Variants in TENM3 observed in about 807,000 individuals in gnomAD.
TENM3 encodes the protein teneurin-3.
Under a neutral mutation model 255.1 loss-of-function variants are expected in TENM3, and 63 were observed. That is an observed-to-expected ratio of 0.25 (90% CI 0.20 to 0.30). TENM3 has a LOEUF of 0.30. Among genes scored for constraint, TENM3 ranks in the 10% least tolerant of loss-of-function variants. TENM3 has a pLI of 1.00. For synonymous variants in TENM3, 1,306 were observed against 1,322.3 expected (o/e 0.99, Z 0.27); for missense variants, 2,929 against 3,461.1 (o/e 0.85, Z 3.86).
chr4:181,680,651 G>T, the TENM3 span, among the ~76,000 whole-genome samples: 3 of 151,740 alleles, frequency 2.0e-5, no homozygotes, highest in Non-Finnish European at 4.4e-5. Context: ...GAGAGTAAAG[G>T]TATCATAATA....
intron 3 of TENM3, among the ~76,000 whole-genome samples, chr4:182,499,517 C>A (rs183923343): frequency 3.3e-5 from 5 of 152,188 alleles, no homozygotes; most frequent in South Asian, 4.2e-4. Flanking sequence ...GTTTGGCTGG[C>A]AGTATAAAGA....
rs1487564121 is a variant in TENM3, at chr4:182,161,971, A to G, written c.-76+17217A>G. 4.9e-4 allele frequency among the ~76,000 whole-genome samples: 15 copies of G among 30,774 alleles called. 2 individuals are homozygous for G. The highest frequency in any genetic ancestry group is 1.2e-3 in the East Asian group (3 of 2,422). 20.2% of individuals were successfully genotyped at this position (30,774 alleles called of 152,430 possible). On this transcript the variant is annotated intron_variant, in intron 1 of 2. Transcript: ENST00000512480. ...TGTGTGTGTGTGTGTATATATATATATATATATATATATATATATATATAT... is the reference window on the plus strand; with the variant it reads ...TGTGTGTGTGTGTGTATATATATATGTATATATATATATATATATATATAT...
At chr4:181,627,981 C>T in the TENM3 span, among the ~76,000 whole-genome samples, 1 of 152,224 alleles carries the variant, frequency 6.6e-6, no homozygotes, top group East Asian at 1.9e-4. Flanking sequence ...TATTTCTCCA[C>T]ATCCTCTCCA....
intron 4 of TENM3, among the ~76,000 whole-genome samples, chr4:182,610,777 T>G (rs1315477841): frequency 6.7e-6 from 1 of 148,266 alleles, no homozygotes; most frequent in African/African-American, 2.5e-5. Context: ...AGGGTCTTAC[T>G]CTGTTTCTCA....
At chr4:182,353,616 A>G (rs1419626613) in intron 3 of TENM3, among the ~76,000 whole-genome samples, 1 of 152,222 alleles carries the variant, frequency 6.6e-6, no homozygotes, top group East Asian at 1.9e-4. Context: ...TGTTTCATTT[A>G]AGGATGAAAT....
At chr4:182,477,140 C>G (rs1246678787) in intron 3 of TENM3, among the ~76,000 whole-genome samples, 1 of 152,142 alleles carries the variant, frequency 6.6e-6, no homozygotes, top group Non-Finnish European at 1.5e-5. Context: ...GTACAGTGTG[C>G]TAGAGGCAGC....
chr4:181,749,275 T>C, the TENM3 span, among the ~76,000 whole-genome samples: 1 of 152,184 alleles, frequency 6.6e-6, no homozygotes, highest in South Asian at 2.1e-4. Context: ...TAAATCTTCC[T>C]GAGGAAAAAG....
At chr4:181,691,234 CTTGTGT>C in the TENM3 span, among the ~76,000 whole-genome samples, 1 of 108,258 alleles carries the variant, frequency 9.2e-6, no homozygotes, top group Non-Finnish European at 2.4e-5. Flanking sequence ...CAAATATGAT[CTTGTGT>C]GTGTGTGTGT....
rs947990741 is a variant in TENM3 at position 182,802,082 on chromosome 4, A to G, written c.*1731A>G. 1.3e-5 allele frequency: 2 copies of G among 152,430 alleles called. No individual in the cohort carries two copies. Among genetic ancestry groups the G allele is most frequent in the African/African-American group, 4.8e-5 (2 of 41,446 alleles). 9.4% of individuals were successfully genotyped at this position (152,430 alleles called of 1,614,324 possible). A position where few individuals can be genotyped will look rare whatever the true frequency, so the allele number is the denominator to read the frequency against. On this transcript the variant is annotated 3_prime_UTR_variant, in exon 28 of 28. Transcript: ENST00000511685. ...GAAAATAATTTTCTAACTGCTTTGT[A>G]TGTATCACATACTCTAAATTGCACA...
At chr4:182,703,596 C>CA (rs1394960819) in intron 12 of TENM3, among the ~76,000 whole-genome samples, 1 of 152,186 alleles carries the variant, frequency 6.6e-6, no homozygotes, top group Non-Finnish European at 1.5e-5. Flanking sequence ...TGCATACTCT[C>CA]ACCTACAAAT....
At chr4:182,426,440 C>G (rs1250834188) in intron 3 of TENM3, among the ~76,000 whole-genome samples, 1 of 152,168 alleles carries the variant, frequency 6.6e-6, no homozygotes, top group Non-Finnish European at 1.5e-5. Context: ...GGAGGACTGC[C>G]ATTCCATCCT....
intron 1 of TENM3, among the ~76,000 whole-genome samples, chr4:182,206,692 T>C (rs1040001447): frequency 6.6e-6 from 1 of 152,178 alleles, no homozygotes; most frequent in African/African-American, 2.4e-5. Flanking sequence ...GTTTCTATTC[T>C]TTTCTTCCTC....
At chr4:181,631,965 C>T in the TENM3 span, among the ~76,000 whole-genome samples, 1 of 152,060 alleles carries the variant, frequency 6.6e-6, no homozygotes, top group African/African-American at 2.4e-5. Flanking sequence ...CATTAGAGCA[C>T]AAAAAATGCC....
At chr4:182,737,852 T>C (rs1761291227) in intron 17 of TENM3, among the ~76,000 whole-genome samples, 1 of 152,214 alleles carries the variant, frequency 6.6e-6, no homozygotes, top group Non-Finnish European at 1.5e-5. Flanking sequence ...CCCTGTTTCA[T>C]TGTGAACTCT....
At chr4:181,858,040 C>T in the TENM3 span, among the ~76,000 whole-genome samples, 71 of 152,186 alleles carry the variant, frequency 4.7e-4, no homozygotes, top group Non-Finnish European at 7.3e-4. Context: ...TTCTAAATAT[C>T]TAGAGTATTT....
intron 5 of TENM3, among the ~76,000 whole-genome samples, chr4:182,645,343 C>A (rs1411149765): frequency 6.6e-6 from 1 of 151,986 alleles, no homozygotes; most frequent in African/African-American, 2.4e-5. Flanking sequence ...CAAAGTCATC[C>A]ATCCACATGG....
intron 3 of TENM3, among the ~76,000 whole-genome samples, chr4:182,555,324 C>T (rs754587707): frequency 4.0e-5 from 6 of 151,764 alleles, no homozygotes; most frequent in Non-Finnish European, 8.8e-5. Context: ...GAATCTTGCT[C>T]CTCCATGAAC....
At chr4:182,737,109 T>G in intron 17 of TENM3, 34 bp downstream of exon 17, 17 of 1,591,630 alleles carry the variant, frequency 1.1e-5, no homozygotes, top group Non-Finnish European at 1.4e-5. Context: ...TGCAGTGAAG[T>G]TTTTCTCAAA....
chr4:181,725,923 T>A, the TENM3 span, among the ~76,000 whole-genome samples: 1 of 152,140 alleles, frequency 6.6e-6, no homozygotes, highest in Admixed American at 6.6e-5. Flanking sequence ...ATATCTTGAA[T>A]GCCAAGACTC....
Sources: allele counts gnomAD v4.1 joint callset (sites outside exome capture counted in the v4.1 genomes callset), GRCh38; gene constraint gnomAD v4.1.1; transcripts MANE v1.5; gene names NCBI Gene and HGNC (gene_info 2026-07-23, HGNC 2026-07-21).